The following HDAC9 variants were observed in gnomAD, a reference collection of about 807,000 sequenced individuals.
HDAC9 encodes histone deacetylase 9.
A neutral mutation model predicts 139.4 loss-of-function variants in HDAC9; 41 were observed. That is an observed-to-expected ratio of 0.29 (90% CI 0.23 to 0.38). The LOEUF (loss-of-function observed/expected upper bound fraction) is 0.38, where lower values mean the gene tolerates loss of function less well. Among genes scored for constraint, HDAC9 ranks in the 10% least tolerant of loss-of-function variants. The pLI, the probability that HDAC9 is intolerant of heterozygous loss-of-function variation, is 1.00. For missense variants in HDAC9, 1,147 were observed against 1,297.0 expected, an observed-to-expected ratio of 0.88 and a Z score of 1.78; for synonymous variants, 517 against 476.2, an observed-to-expected ratio of 1.09 and a Z score of -1.12.
intron 11 of HDAC9, among the ~76,000 whole-genome samples, chr7:18,663,817 C>G (rs1793964012): frequency 6.6e-6 from 1 of 152,072 alleles, no homozygotes; most frequent in Non-Finnish European, 1.5e-5. Flanking sequence ...TGTATCTTTT[C>G]TCAGATAAAT....
chr7:18,896,421 G>C (rs929336129), intron 22 of HDAC9, among the ~76,000 whole-genome samples: 2 of 151,988 alleles, frequency 1.3e-5, no homozygotes, highest in Admixed American at 6.6e-5. Context: ...GCACAAGGTA[G>C]AAACTTATCT....
chr7:18,938,618 A>AT, intron 23 of HDAC9, among the ~76,000 whole-genome samples: 1 of 152,198 alleles, frequency 6.6e-6, no homozygotes, highest in Non-Finnish European at 1.5e-5. Flanking sequence ...AATAAAAAAA[A>AT]ATCTCAAAAT....
At chr7:18,382,066 G>A (rs1785492390) in intron 1 of HDAC9, among the ~76,000 whole-genome samples, 1 of 151,922 alleles carries the variant, frequency 6.6e-6, no homozygotes, top group African/African-American at 2.4e-5. Context: ...TCCAGTTATT[G>A]TTTCCACTCA....
At chr7:18,816,494 A>C (rs991390967) in intron 17 of HDAC9, among the ~76,000 whole-genome samples, 2 of 152,222 alleles carry the variant, frequency 1.3e-5, no homozygotes, top group Non-Finnish European at 2.9e-5. Flanking sequence ...TGAGATTGCC[A>C]GTTATTTAAC....
At chr7:18,933,582 C>G (rs1781414365) in intron 22 of HDAC9, among the ~76,000 whole-genome samples, 1 of 151,946 alleles carries the variant, frequency 6.6e-6, no homozygotes, top group Admixed American at 6.6e-5. Context: ...ATATTTTTCA[C>G]ATATAAAGTT....
intron 2 of HDAC9, among the ~76,000 whole-genome samples, chr7:18,498,728 C>G (rs913069497): frequency 6.6e-6 from 1 of 151,996 alleles, no homozygotes; most frequent in Non-Finnish European, 1.5e-5. Flanking sequence ...CGATTGTGTA[C>G]TGATTTTTTT....
chr7:18,923,063 A>C (rs1803901105), intron 22 of HDAC9, among the ~76,000 whole-genome samples: 1 of 152,008 alleles, frequency 6.6e-6, no homozygotes, highest in Non-Finnish European at 1.5e-5. Context: ...AGTCACTATG[A>C]ATTTCTTTTG....
chr7:18,375,937 A>T (rs943095951), intron 1 of HDAC9, among the ~76,000 whole-genome samples: 1 of 152,206 alleles, frequency 6.6e-6, no homozygotes, highest in African/African-American at 2.4e-5. Context: ...AAATAATTAT[A>T]AAATGAATGT....
intron 1 of HDAC9, among the ~76,000 whole-genome samples, chr7:18,489,438 G>T (rs1379148274): frequency 6.6e-6 from 1 of 151,896 alleles, no homozygotes. Flanking sequence ...ATACCTATTT[G>T]CCAGGTATTG....
At chr7:18,217,335 T>C (rs977863559) in intron 2 of HDAC9, among the ~76,000 whole-genome samples, 2 of 152,118 alleles carry the variant, frequency 1.3e-5, no homozygotes, top group African/African-American at 4.8e-5. Context: ...CTTTTTTCCT[T>C]CTCCAAATAC....
intron 1 of HDAC9, among the ~76,000 whole-genome samples, chr7:18,451,301 A>G (rs966762198): frequency 2.0e-5 from 3 of 151,754 alleles, no homozygotes; most frequent in African/African-American, 7.3e-5. Flanking sequence ...TCTGTTGTTT[A>G]TAAATTACCC....
intron 1 of HDAC9, among the ~76,000 whole-genome samples, chr7:18,310,715 G>T (rs1423585396): frequency 6.6e-6 from 1 of 151,838 alleles, no homozygotes; most frequent in African/African-American, 2.4e-5. Flanking sequence ...GTGTGACATA[G>T]ACATCATACA....
At chr7:18,736,909 G>A (rs1053712256) in intron 13 of HDAC9, among the ~76,000 whole-genome samples, 8 of 151,966 alleles carry the variant, frequency 5.3e-5, no homozygotes, top group Admixed American at 2.6e-4. Context: ...CCTCAATTTC[G>A]GAGCCTGTTA....
intron 1 of HDAC9, among the ~76,000 whole-genome samples, chr7:18,140,116 G>C (rs746184537): frequency 1.3e-5 from 2 of 152,086 alleles, no homozygotes; most frequent in Non-Finnish European, 2.9e-5. Context: ...AGATGTAGGT[G>C]TTTTCCCCCA....
At chr7:18,618,124 A>G (rs981591925) in intron 6 of HDAC9, among the ~76,000 whole-genome samples, 1 of 152,196 alleles carries the variant, frequency 6.6e-6, no homozygotes, top group Non-Finnish European at 1.5e-5. Flanking sequence ...ACAAAAACCT[A>G]AAGTAATATA....
intron 13 of HDAC9, among the ~76,000 whole-genome samples, chr7:18,737,310 G>A (rs1015020795): frequency 3.3e-5 from 5 of 152,026 alleles, no homozygotes; most frequent in Non-Finnish European, 4.4e-5. Flanking sequence ...TCTCTAGTTC[G>A]TTTAACTGTG....
intron 2 of HDAC9, among the ~76,000 whole-genome samples, chr7:18,255,100 T>C (rs565835874): frequency 1.3e-5 from 2 of 152,328 alleles, no homozygotes; most frequent in South Asian, 4.1e-4. Flanking sequence ...TCTTGGTTGT[T>C]GGATGTATTC....
intron 22 of HDAC9, among the ~76,000 whole-genome samples, chr7:18,887,519 C>G (rs1221741744): frequency 1.3e-5 from 2 of 152,062 alleles, no homozygotes; most frequent in South Asian, 2.1e-4. Flanking sequence ...AAATATAGGG[C>G]CATTATGAGA....
chr7:18,128,308 G>A (rs1784799274), intron 1 of HDAC9, among the ~76,000 whole-genome samples: 1 of 152,072 alleles, frequency 6.6e-6, no homozygotes, highest in Non-Finnish European at 1.5e-5. Context: ...AGCAGGAAGC[G>A]TGTGCTGTTA....
Sources: allele counts gnomAD v4.1 joint callset (sites outside exome capture counted in the v4.1 genomes callset), GRCh38; gene constraint gnomAD v4.1.1; transcripts MANE v1.5; gene names NCBI Gene and HGNC (gene_info 2026-07-23, HGNC 2026-07-21).